The following WDR37 variants were observed in gnomAD, a reference collection of about 807,000 sequenced individuals.
The protein encoded by WDR37 is WD repeat domain 37.
In WDR37, 19 loss-of-function variants were observed where a neutral mutation model predicts 62.9. The observed-to-expected ratio is 0.30, with a 90% CI of 0.21 to 0.44. The LOEUF (loss-of-function observed/expected upper bound fraction) is 0.44, where lower values mean the gene tolerates loss of function less well. Among genes scored for constraint, WDR37 ranks in the 20% least tolerant of loss-of-function variants. The pLI is 1.00. For synonymous variants in WDR37, 250 were observed against 260.9 expected (o/e 0.96, Z 0.40); for missense variants, 474 against 657.6 (o/e 0.72, Z 3.05).
At chr10:1,068,308 C>A (rs942748585) in intron 1 of WDR37, among the ~76,000 whole-genome samples, 1 of 149,454 alleles carries the variant, frequency 6.7e-6, no homozygotes, top group African/African-American at 2.5e-5. Flanking sequence ...TGTGAAACCC[C>A]GTCTCTACTA....
rs1335844271 is a variant in WDR37 at position 1,131,799 on chromosome 10, C to G, written c.*2455C>G. ...GTTTGGAAGTGGGAACAGTTTTGTC[C>G]TGTATGCTGATGTGTCCAGAATTTC... On this transcript the variant is annotated 3_prime_UTR_variant, in exon 14 of 14. Transcript: ENST00000263150. The G allele has an allele frequency of 6.6e-6, 1 of 152,182 alleles. No individual in the cohort carries two copies. The highest frequency in any genetic ancestry group is 1.5e-5 in the Non-Finnish European group (1 of 68,034). 9.4% of individuals were successfully genotyped at this position (152,182 alleles called of 1,614,324 possible). A position where few individuals can be genotyped will look rare whatever the true frequency, so the allele number is the denominator to read the frequency against.
intron 1 of WDR37, among the ~76,000 whole-genome samples, chr10:1,066,925 C>T (rs887649417): frequency 3.9e-5 from 6 of 152,152 alleles, no homozygotes; most frequent in Non-Finnish European, 7.4e-5. Context: ...CTTATAGAAC[C>T]ATCAGATCTT....
intron 6 of WDR37, among the ~76,000 whole-genome samples, 167 bp from the exon 7 acceptor site, chr10:1,086,119 A>G (rs954362530): frequency 6.6e-6 from 1 of 152,232 alleles, no homozygotes; most frequent in Non-Finnish European, 1.5e-5. Context: ...CATTTGGGAA[A>G]TGTTTTCTTT....
intron 13 of WDR37, among the ~76,000 whole-genome samples, chr10:1,128,952 G>A (rs1835890806): frequency 1.3e-5 from 2 of 150,422 alleles, no homozygotes; most frequent in Non-Finnish European, 3.0e-5. Context: ...GTCCGTGCTC[G>A]GCGGTGGTTG....
intron 13 of WDR37, among the ~76,000 whole-genome samples, 196 bp from the exon 14 acceptor site, chr10:1,129,017 C>G (rs1229269376): frequency 6.6e-6 from 1 of 150,774 alleles, no homozygotes; most frequent in African/African-American, 2.4e-5. Flanking sequence ...GATCTGTGGC[C>G]CATGCACGGT....
chr10:1,070,760 T>C (rs1197282619), intron 1 of WDR37, among the ~76,000 whole-genome samples: 8 of 152,242 alleles, frequency 5.3e-5, no homozygotes. Flanking sequence ...AATACTCTCT[T>C]CTATGTGTAG....
At chr10:1,114,212 C>T (rs1835313020) in intron 11 of WDR37, among the ~76,000 whole-genome samples, 2 of 152,202 alleles carry the variant, frequency 1.3e-5, no homozygotes, top group South Asian at 2.1e-4. Context: ...CTGCCTTGGC[C>T]TCCCAAAGTG....
At chr10:1,081,355 C>T (rs1162796043) in intron 5 of WDR37, among the ~76,000 whole-genome samples, 1 of 152,174 alleles carries the variant, frequency 6.6e-6, no homozygotes, top group Non-Finnish European at 1.5e-5. Context: ...TGGCATATTT[C>T]AAGGATACAA....
chr10:1,074,537 T>G (rs937001856), intron 2 of WDR37: 1 of 1,303,626 alleles, frequency 7.7e-7, no homozygotes, highest in African/African-American at 1.5e-5. Context: ...GTGCTCTGCC[T>G]TCCCCCTGCC....
chr10:1,096,313 T>G (rs754866840), intron 9 of WDR37, 67 bp downstream of exon 9: 1 of 1,534,972 alleles, frequency 6.5e-7, no homozygotes, highest in Admixed American at 1.7e-5. Flanking sequence ...AATCCATTTA[T>G]GATATCTGTC....
chr10:1,124,971 C>A lies in WDR37; in HGVS notation c.1300C>A (p.Leu434Met). 6.2e-7 allele frequency: 1 copy of A among 1,614,234 alleles called. No individual in the cohort carries two copies. The highest frequency in any genetic ancestry group is 8.5e-7 in the Non-Finnish European group (1 of 1,180,038). ...ALPHDNRQVRLFDMSGVRLAR... is the reference protein window; with the variant it reads ...ALPHDNRQVRMFDMSGVRLAR... Reference sequence around the variant, plus strand: ...CCCCCATGACAACCGACAAGTGAGACTGTTTGATATGTCAGGAGTGCGCCT... The same window carrying A: ...CCCCCATGACAACCGACAAGTGAGAATGTTTGATATGTCAGGAGTGCGCCT... The change falls in exon 13 of 14, where the codon CTG becomes ATG. Residue 434 changes from leucine to methionine, a missense_variant. Transcript: ENST00000263150.
At chr10:1,090,423 T>C (rs1164117328) in intron 7 of WDR37, among the ~76,000 whole-genome samples, 2 of 152,196 alleles carry the variant, frequency 1.3e-5, no homozygotes, top group Non-Finnish European at 2.9e-5. Flanking sequence ...CCTCCCAAAA[T>C]GTTGGGATTA....
intron 1 of WDR37, among the ~76,000 whole-genome samples, chr10:1,061,925 C>A (rs1833382916): frequency 6.6e-6 from 1 of 151,866 alleles, no homozygotes; most frequent in Non-Finnish European, 1.5e-5. Context: ...TGGGTCCCAT[C>A]CCTAGGATAT....
intron 8 of WDR37, 82 bp from the exon 9 acceptor site, chr10:1,096,088 G>A: frequency 1.5e-6 from 2 of 1,376,986 alleles, no homozygotes; most frequent in East Asian, 4.6e-5. Flanking sequence ...TCTGACTGCT[G>A]CTGCTTAGCC....
chr10:1,087,345 G>A (rs1054328870), intron 7 of WDR37, among the ~76,000 whole-genome samples: 3 of 152,236 alleles, frequency 2.0e-5, no homozygotes, highest in Non-Finnish European at 4.4e-5. Context: ...GTGCTCAAAT[G>A]TAGAGCAAAA....
chr10:1,125,051 C>T, intron 13 of WDR37, 27 bp downstream of exon 13: 2 of 1,613,294 alleles, frequency 1.2e-6, no homozygotes, highest in African/African-American at 1.3e-5. Flanking sequence ...TGAACATATG[C>T]AGGGCACAGT....
chr10:1,072,848 G>T (rs1002073831), intron 2 of WDR37, among the ~76,000 whole-genome samples: 5 of 152,156 alleles, frequency 3.3e-5, no homozygotes, highest in African/African-American at 9.7e-5. Context: ...TGAGAGTTGG[G>T]ATTAGTTTTA....
At position 1,086,346 on chromosome 10, in the gene WDR37, A is replaced by C; in HGVS notation, c.593A>C (p.His198Pro). 6.2e-7 allele frequency: 1 copy of C among 1,614,104 alleles called. No homozygotes were observed. Among genetic ancestry groups the C allele is most frequent in the Non-Finnish European group, 8.5e-7 (1 of 1,179,942 alleles). The change falls in exon 7 of 14, where the codon CAC becomes CCC. Residue 198 changes from histidine to proline, a missense_variant. Coordinates refer to ENST00000263150, the MANE Select transcript of WDR37 (RefSeq NM_014023.4). ...AAGTGCCTAGTCAAGTACGCAGGCC[A>C]CGTGGGCTCAGGTAAGCACTGCCTA... is the stretch of plus-strand genomic sequence containing the variant. ...TGKCLVKYAG[H>P]VGSVNSIKFH...
At chr10:1,106,968 C>G (rs924030026) in intron 11 of WDR37, among the ~76,000 whole-genome samples, 4 of 152,184 alleles carry the variant, frequency 2.6e-5, no homozygotes, top group African/African-American at 9.6e-5. Context: ...TTAAACTGCT[C>G]CGTCCTGACA....
Sources: gnomAD v4.1 joint callset for allele counts (sites outside exome capture counted in the v4.1 genomes callset) on GRCh38, gnomAD v4.1.1 for gene constraint, MANE v1.5 for transcripts, NCBI Gene and HGNC (gene_info 2026-07-23, HGNC 2026-07-21) for gene names.